Variants in ERBB4 observed in about 807,000 individuals in gnomAD.
ERBB4 encodes erb-b2 receptor tyrosine kinase 4.
In ERBB4, 42 loss-of-function variants were observed where a neutral mutation model predicts 158.0. That is an observed-to-expected ratio of 0.27 (90% CI 0.21 to 0.34). The LOEUF is 0.34. ERBB4 is among the 10% of genes least tolerant of loss of function. The pLI, the probability that ERBB4 is intolerant of heterozygous loss-of-function variation, is 1.00. For missense variants in ERBB4, 1,333 were observed against 1,624.1 expected (o/e 0.82, Z 3.08); for synonymous variants, 583 against 558.7 (o/e 1.04, Z -0.61).
rs537509722 is a variant in ERBB4 at position 211,874,422 on chromosome 2, T to C, written c.421+73008A>G. Among the ~76,000 whole-genome samples, 54 of 152,324 alleles carry C rather than the reference T, an allele frequency of 3.5e-4. 2 individuals are homozygous for C. In the South Asian group the frequency reaches 0.011, roughly 30 times the overall value. On this transcript the variant is annotated intron_variant, in intron 3 of 27. Transcript: ENST00000342788. ...ATTCTTATTTCCAGAGTTTTTTGTTTACTTTTAAATTAAGTCTTCATATTT... is the reference window on the plus strand; with the variant it reads ...ATTCTTATTTCCAGAGTTTTTTGTTCACTTTTAAATTAAGTCTTCATATTT...
chr2:212,502,318 C>A (rs1295213406), intron 1 of ERBB4, among the ~76,000 whole-genome samples: 1 of 151,882 alleles, frequency 6.6e-6, no homozygotes. Context: ...AAATTAAAAC[C>A]ATCATTTTCA....
chr2:211,950,822 A>C (rs566482929), intron 2 of ERBB4, among the ~76,000 whole-genome samples: 84 of 152,226 alleles, frequency 5.5e-4, no homozygotes, highest in African/African-American at 1.9e-3. Flanking sequence ...CGTACACAGC[A>C]ATTTGTTTAA....
chr2:211,696,066 C>A (rs1306386028), intron 12 of ERBB4, among the ~76,000 whole-genome samples: 3 of 126,290 alleles, frequency 2.4e-5, no homozygotes, highest in Non-Finnish European at 4.9e-5. Context: ...TCCCTCCCTC[C>A]CTCCTTCCTT....
intron 20 of ERBB4, among the ~76,000 whole-genome samples, chr2:211,461,250 A>T (rs1417123641): frequency 6.6e-6 from 1 of 152,184 alleles, no homozygotes; most frequent in African/African-American, 2.4e-5. Flanking sequence ...TTCTTTAAAA[A>T]TGCCAAAAAA....
chr2:211,525,499 T>G (rs1434992875), intron 20 of ERBB4, among the ~76,000 whole-genome samples: 1 of 152,144 alleles, frequency 6.6e-6, no homozygotes, highest in Non-Finnish European at 1.5e-5. Context: ...ATCCATCACC[T>G]GCTGACTAAA....
intron 2 of ERBB4, among the ~76,000 whole-genome samples, chr2:212,056,289 A>C (rs746526694): frequency 6.6e-6 from 1 of 152,184 alleles, no homozygotes; most frequent in Non-Finnish European, 1.5e-5. Flanking sequence ...GAAAACACCA[A>C]ATCTACATCT....
chr2:212,126,204 C>G (rs187263419), intron 1 of ERBB4, among the ~76,000 whole-genome samples: 1 of 152,120 alleles, frequency 6.6e-6, no homozygotes, highest in Non-Finnish European at 1.5e-5. Flanking sequence ...TGGCTCACAC[C>G]TGTTATCGCA....
chr2:212,465,789 T>G (rs1432800225), intron 1 of ERBB4, among the ~76,000 whole-genome samples: 2 of 152,192 alleles, frequency 1.3e-5, no homozygotes, highest in Non-Finnish European at 2.9e-5. Flanking sequence ...TTGACATACA[T>G]CCATTTTATT....
Position 212,321,842 on chromosome 2 carries a change from T to C in ERBB4, c.83-196939A>G, listed in dbSNP as rs886543728. The stretch of plus-strand genomic sequence containing the variant: ...GACTTAGATGTCTCGGTATCATTCA[T>C]GGAATACCCACCAAGACATACATTC... On this transcript the variant is annotated intron_variant, in intron 1 of 27. Coordinates refer to ENST00000342788, the MANE Select transcript of ERBB4 (RefSeq NM_005235.3). Among the ~76,000 whole-genome samples, 8 of 150,618 alleles carry C rather than the reference T, an allele frequency of 5.3e-5. 1 individual carries two copies. The highest frequency in any genetic ancestry group is 1.0e-4 in the Non-Finnish European group (7 of 67,118).
chr2:212,156,217 G>A (rs866180399), intron 1 of ERBB4, among the ~76,000 whole-genome samples: 5 of 152,040 alleles, frequency 3.3e-5, no homozygotes, highest in Admixed American at 6.6e-5. Flanking sequence ...ATGTGGGAGC[G>A]TAAAGAAAAG....
At chr2:211,394,580 C>CTTTCT (rs2125337144) in intron 25 of ERBB4, among the ~76,000 whole-genome samples, 1 of 152,140 alleles carries the variant, frequency 6.6e-6, no homozygotes, top group Non-Finnish European at 1.5e-5. Context: ...CTTTTTCTTT[C>CTTTCT]TTTCTTTTTT....
chr2:212,281,237 T>C (rs1170285468), intron 1 of ERBB4, among the ~76,000 whole-genome samples: 1 of 151,802 alleles, frequency 6.6e-6, no homozygotes, highest in Non-Finnish European at 1.5e-5. Flanking sequence ...AAGAGTCTGA[T>C]GAATTTGCCT....
At chr2:211,540,943 C>T (rs2066792064) in intron 20 of ERBB4, among the ~76,000 whole-genome samples, 1 of 151,840 alleles carries the variant, frequency 6.6e-6, no homozygotes, top group South Asian at 2.1e-4. Context: ...CTTAAAGTTG[C>T]AGCAGTTTCT....
intron 19 of ERBB4, among the ~76,000 whole-genome samples, chr2:211,578,632 G>A (rs2371303): frequency 0.9 from 136,684 of 152,184 alleles, 61,548 homozygotes; most frequent in African/African-American, 0.96. Flanking sequence ...CAGAATAGAG[G>A]ACACAGAAAT....
intron 2 of ERBB4, among the ~76,000 whole-genome samples, chr2:212,080,498 C>A (rs2078405873): frequency 6.6e-6 from 1 of 151,130 alleles, no homozygotes; most frequent in Non-Finnish European, 1.5e-5. Context: ...GCTTACCATC[C>A]ATTACGAATG....
rs953546772 is a variant in ERBB4, at chr2:212,089,451, C to A, written c.234+35301G>T. Among the ~76,000 whole-genome samples the A allele has an allele frequency of 2.0e-5, 3 of 152,142 alleles. No homozygotes were observed. In the South Asian group the frequency reaches 6.2e-4, roughly 31 times the overall value. On this transcript the variant is annotated intron_variant, in intron 2 of 27. Transcript: ENST00000342788. ...AAATCTCATGTCAAATTGTAACCCC[C>A]AATGTTGGAGGGGGAACCCTGTGGG...
chr2:211,402,217 A>G (rs1312452650), intron 25 of ERBB4, among the ~76,000 whole-genome samples: 1 of 152,022 alleles, frequency 6.6e-6, no homozygotes, highest in African/African-American at 2.4e-5. Context: ...TAGGGTAACA[A>G]GCTCCTTAAG....
intron 2 of ERBB4, among the ~76,000 whole-genome samples, chr2:211,992,738 G>A (rs1397125717): frequency 3.9e-5 from 6 of 152,014 alleles, no homozygotes; most frequent in South Asian, 2.1e-4. Flanking sequence ...CTCTTTACTC[G>A]GATACCAGGA....
At chr2:212,109,859 AGCATAAATTCTACAATGAAGAT>A (rs770567624) in intron 2 of ERBB4, among the ~76,000 whole-genome samples, 3 of 152,210 alleles carry the variant, frequency 2.0e-5, no homozygotes, top group Non-Finnish European at 4.4e-5. Context: ...CCATGAGGAT[AGCATAAATTCTACAATGAAGAT>A]GCAGAGGGTA....
Sources: gnomAD v4.1 joint callset for allele counts (sites outside exome capture counted in the v4.1 genomes callset) on GRCh38, gnomAD v4.1.1 for gene constraint, MANE v1.5 for transcripts, NCBI Gene and HGNC (gene_info 2026-07-23, HGNC 2026-07-21) for gene names.